Variants in AFG2A observed in about 807,000 individuals in gnomAD.
AFG2A encodes the protein ATPase family gene 2 protein homolog A.
chr4:123,012,185 G>A, the AFG2A span, among the ~76,000 whole-genome samples: 1 of 144,150 alleles, frequency 6.9e-6, no homozygotes, highest in African/African-American at 2.6e-5. Flanking sequence ...GACATGGAGA[G>A]AAGGGGTGGG....
the AFG2A span, among the ~76,000 whole-genome samples, chr4:123,007,566 ATATGTGTGTGTGTGTGTGTGTG>A: frequency 0.013 from 538 of 40,184 alleles, 7 homozygotes; most frequent in Middle Eastern, 0.18. Context: ...GTGTGTGTGT[ATATGTGTGTGTGTGTGTGTGTG>A]TGTGTGTGTG....
the AFG2A span, among the ~76,000 whole-genome samples, chr4:123,294,490 G>A: frequency 6.6e-6 from 1 of 152,154 alleles, no homozygotes; most frequent in Admixed American, 6.5e-5. Flanking sequence ...TAATTTCTAA[G>A]TATTCACATG....
chr4:123,213,031 C>T, the AFG2A span, among the ~76,000 whole-genome samples: 1 of 152,126 alleles, frequency 6.6e-6, no homozygotes, highest in Non-Finnish European at 1.5e-5. Context: ...CATACCTCCT[C>T]AAAAGAGTTT....
chr4:123,038,093 G>C, the AFG2A span, among the ~76,000 whole-genome samples: 3 of 151,934 alleles, frequency 2.0e-5, no homozygotes, highest in African/African-American at 7.2e-5. Context: ...CATATCTTTT[G>C]TGCCAATGGT....
At chr4:123,311,655 AAG>A in the AFG2A span, among the ~76,000 whole-genome samples, 10 of 145,634 alleles carry the variant, frequency 6.9e-5, no homozygotes, top group African/African-American at 2.1e-4. Context: ...AAAAAAAAAA[AAG>A]AGAGAGAAAA....
At chr4:123,008,272 G>A in the AFG2A span, among the ~76,000 whole-genome samples, 2 of 152,132 alleles carry the variant, frequency 1.3e-5, no homozygotes, top group Non-Finnish European at 2.9e-5. Context: ...TCAGTCACCA[G>A]TTCTTATGGG....
chr4:123,014,539 T>A, the AFG2A span, among the ~76,000 whole-genome samples: 1 of 152,178 alleles, frequency 6.6e-6, no homozygotes, highest in South Asian at 2.1e-4. Flanking sequence ...TTTATTATAT[T>A]TATAAGGTTT....
chr4:123,238,328 C>T, the AFG2A span, among the ~76,000 whole-genome samples: 2 of 152,204 alleles, frequency 1.3e-5, no homozygotes, highest in Non-Finnish European at 2.9e-5. Flanking sequence ...AGCAGTGGTT[C>T]TCCCAGCACG....
chr4:123,229,869 C>T, the AFG2A span, among the ~76,000 whole-genome samples: 2 of 151,752 alleles, frequency 1.3e-5, no homozygotes, highest in African/African-American at 4.8e-5. Flanking sequence ...TATATGCATA[C>T]TTTAGAGATA....
chr4:123,064,913 A>G, the AFG2A span, among the ~76,000 whole-genome samples: 1 of 152,278 alleles, frequency 6.6e-6, no homozygotes, highest in East Asian at 1.9e-4. Context: ...TTAGTGTATT[A>G]ACTCCTAATC....
chr4:123,091,568 A>G, the AFG2A span, among the ~76,000 whole-genome samples: 1 of 152,246 alleles, frequency 6.6e-6, no homozygotes, highest in African/African-American at 2.4e-5. Context: ...TGCCATCAAC[A>G]CAAGAACTTT....
At chr4:123,308,329 TAAG>T in the AFG2A span, among the ~76,000 whole-genome samples, 3 of 152,138 alleles carry the variant, frequency 2.0e-5, no homozygotes, top group Non-Finnish European at 4.4e-5. Context: ...TCTAAGAACT[TAAG>T]AAGACCTGAC....
At chr4:123,117,726 A>G in the AFG2A span, among the ~76,000 whole-genome samples, 1 of 151,966 alleles carries the variant, frequency 6.6e-6, no homozygotes, top group Non-Finnish European at 1.5e-5. Context: ...GAAAAAAAAA[A>G]TGCAGGTTGG....
At chr4:122,992,976 ATG>A in the AFG2A span, among the ~76,000 whole-genome samples, 57 of 142,620 alleles carry the variant, frequency 4.0e-4, no homozygotes, top group African/African-American at 3.4e-4. Flanking sequence ...GTGTGTGTGT[ATG>A]TGTGTGTGTG....
the AFG2A span, among the ~76,000 whole-genome samples, chr4:123,226,303 A>C: frequency 6.6e-6 from 1 of 152,146 alleles, no homozygotes; most frequent in East Asian, 1.9e-4. Context: ...TTTCAAAGGG[A>C]ATGCTTCCAG....
At chr4:123,093,661 G>A in the AFG2A span, among the ~76,000 whole-genome samples, 3 of 152,152 alleles carry the variant, frequency 2.0e-5, no homozygotes, top group Non-Finnish European at 2.9e-5. Flanking sequence ...GCTGCAGATG[G>A]GCACAGGTCT....
the AFG2A span, among the ~76,000 whole-genome samples, chr4:123,280,701 G>A: frequency 1.3e-4 from 20 of 152,118 alleles, no homozygotes; most frequent in Non-Finnish European, 2.6e-4. Context: ...TTTAAAGGAC[G>A]CTTCTGATTA....
At chr4:123,177,446 C>G in the AFG2A span, among the ~76,000 whole-genome samples, 1 of 152,030 alleles carries the variant, frequency 6.6e-6, no homozygotes, top group Non-Finnish European at 1.5e-5. Context: ...CCAAAGTGCT[C>G]TGATTTGGGA....
the AFG2A span, among the ~76,000 whole-genome samples, chr4:123,311,796 T>TATTAGTAAATACAGGGA: frequency 0.013 from 1,935 of 152,284 alleles, 48 homozygotes; most frequent in African/African-American, 0.044. Context: ...TTATTTACTG[T>TATTAGTAAATACAGGGA]GCTGTATTAG....
Sources: allele counts gnomAD v4.1 joint callset (sites outside exome capture counted in the v4.1 genomes callset), GRCh38; gene constraint gnomAD v4.1.1; transcripts MANE v1.5; gene names NCBI Gene and HGNC (gene_info 2026-07-23, HGNC 2026-07-21).